Variants in EVC2 observed in about 807,000 individuals in gnomAD.
The protein encoded by EVC2 is EvC ciliary complex subunit 2, also known as limbin.
A neutral mutation model predicts 149.3 loss-of-function variants in EVC2; 148 were observed. That is an observed-to-expected ratio of 0.99 (90% CI 0.87 to 1.14). The LOEUF (loss-of-function observed/expected upper bound fraction) is 1.14. EVC2 is among the 50% of genes most tolerant of loss of function. EVC2 has a pLI of 0.00. For synonymous variants in EVC2, 776 were observed against 649.9 expected, an observed-to-expected ratio of 1.19 and a Z score of -2.95; for missense variants, 1,854 against 1,627.3, an observed-to-expected ratio of 1.14 and a Z score of -2.40.
chr4:5,640,389 G>T lies in EVC2; in HGVS notation c.1470+125C>A, dbSNP rs549687497. ...GGAAGGATGAATAGATGAATGAGTG[G>T]GTGGTTGGATGGATGATGGGTAGAC... On this transcript the variant is annotated intron_variant, in intron 10 of 21. Coordinates refer to ENST00000344408, the MANE Select transcript of EVC2 (RefSeq NM_147127.5). The surrounding 1 kb of genome is among the most constrained non-coding windows in gnomAD (Gnocchi z 4.6). The T allele has an allele frequency of 1.0e-4, 111 of 1,076,504 alleles. No individual in the cohort carries two copies. The highest frequency in any genetic ancestry group is 1.2e-4 in the Admixed American group (7 of 59,190). The allele number at this position is 1,076,504 out of a possible 1,614,324, so 66.7% of individuals were successfully genotyped here.
At chr4:5,542,384 G>A, downstream of EVC2, among the ~76,000 whole-genome samples, 1 of 152,230 alleles carries the variant, frequency 6.6e-6, no homozygotes, top group African/African-American at 2.4e-5. Context: ...GAGCCTGGGA[G>A]TTTGAGGCTG....
intron 9 of EVC2, among the ~76,000 whole-genome samples, chr4:5,648,855 C>T (rs753249844): frequency 5.3e-5 from 8 of 152,146 alleles, no homozygotes; most frequent in Non-Finnish European, 1.0e-4. Flanking sequence ...TGTCCCTCTA[C>T]GTCGATTAAA....
intron 16 of EVC2, among the ~76,000 whole-genome samples, chr4:5,597,605 AAT>A (rs1352095456): frequency 6.6e-6 from 1 of 151,352 alleles, no homozygotes; most frequent in African/African-American, 2.4e-5. Flanking sequence ...ACCCACAGCC[AAT>A]ATCACACTGA....
At position 5,603,073 on chromosome 4, in the gene EVC2, A is replaced by G. The variant is rs77069182; in HGVS notation, c.2829+12349T>C. 6.5e-3 allele frequency among the ~76,000 whole-genome samples: 987 copies of G among 152,316 alleles called. 11 individuals carry two copies. The highest frequency in any genetic ancestry group is 0.023 in the African/African-American group (937 of 41,578). On this transcript the variant is annotated intron_variant, in intron 16 of 21. Coordinates refer to ENST00000344408, the MANE Select transcript of EVC2 (RefSeq NM_147127.5). ...TGATAAAAATGAAAAGTAAAATTTA[A>G]AAATAGACAATCTAGAAAAGTGGGA...
At chr4:5,635,029 CTTTTTTTTTT>C (rs34769603) in intron 10 of EVC2, among the ~76,000 whole-genome samples, 5 of 71,442 alleles carry the variant, frequency 7.0e-5, no homozygotes, top group Non-Finnish European at 2.4e-5. Context: ...AACAAATGTG[CTTTTTTTTTT>C]TTTTTTTTTT....
intron 21 of EVC2, among the ~76,000 whole-genome samples, chr4:5,546,823 T>C (rs566841701): frequency 6.6e-6 from 1 of 152,124 alleles, no homozygotes; most frequent in African/African-American, 2.4e-5. Context: ...GCTGCTGCCA[T>C]CATGCTGGCT....
At chr4:5,665,458 G>T (rs1208380886) in intron 8 of EVC2, 57 bp downstream of exon 8, 1 of 1,612,154 alleles carries the variant, frequency 6.2e-7, no homozygotes, top group Non-Finnish European at 8.5e-7. Context: ...CAGAACTGGG[G>T]GATGAACTTC....
rs540115851 is a variant in EVC2, at chr4:5,562,574, T to C, written c.*274A>G. 2.2e-4 allele frequency: 297 copies of C among 1,344,780 alleles called. No individual in the cohort carries two copies. In the African/African-American group the frequency reaches 4.0e-3, roughly 18 times the overall value. 83.3% of individuals were successfully genotyped at this position (1,344,780 alleles called of 1,614,324 possible). A position where few individuals can be genotyped will look rare whatever the true frequency, so the allele number is the denominator to read the frequency against. On this transcript the variant is annotated 3_prime_UTR_variant, in exon 22 of 22. Coordinates refer to ENST00000344408, the MANE Select transcript of EVC2 (RefSeq NM_147127.5). The surrounding 1 kb of genome is among the most constrained non-coding windows in gnomAD (Gnocchi z 4.3). ...TCTGCAGCAGAGGATGGGGTGTGGA[T>C]TGCAGGGTGGGGGTCTCCTCCAGGG...
intron 16 of EVC2, among the ~76,000 whole-genome samples, chr4:5,597,602 G>C (rs1290737979): frequency 4.6e-5 from 7 of 151,304 alleles, no homozygotes; most frequent in Admixed American, 2.7e-4. Flanking sequence ...CAAACCCACA[G>C]CCAATATCAC....
chr4:5,549,877 T>C (rs1295513700), intron 21 of EVC2, among the ~76,000 whole-genome samples: 1 of 152,188 alleles, frequency 6.6e-6, no homozygotes, highest in African/African-American at 2.4e-5. Context: ...GGGCTGGTCT[T>C]TCCTGTGCTG....
chr4:5,704,473 G>A (rs1026464318), intron 1 of EVC2, among the ~76,000 whole-genome samples: 16 of 152,152 alleles, frequency 1.1e-4, no homozygotes, highest in South Asian at 2.1e-4. Flanking sequence ...GAGCCTCCAC[G>A]GGCCATGTCA....
At position 5,708,393 on chromosome 4, in the gene EVC2, G is replaced by A. The variant is rs1401633069; in HGVS notation, c.121C>T (p.Pro41Ser). 3 of 1,496,468 alleles carry A rather than the reference G, an allele frequency of 2.0e-6. No individual in the cohort carries two copies. Among genetic ancestry groups the A allele is most frequent in the Non-Finnish European group, 2.7e-6 (3 of 1,130,436 alleles). The allele number at this position is 1,496,468 out of a possible 1,614,324, so 92.7% of individuals were successfully genotyped here. The change falls in exon 1 of 22, where the codon CCC becomes TCC. Residue 41 changes from proline (P) to serine (S), a missense_variant. Pro to Ser is a moderately conservative substitution (Grantham distance 74). Transcript: ENST00000344408. ...TCCCGGGGTGGCTGCGCGCCGAGGG[G>A]GCGCCAGCGGGGACGTGAGCTGGCG... ...LGASSRPRWR[P>S]LGAQPPRDPQ...
Position 5,563,003 on chromosome 4 carries a change from C to A in EVC2, c.3772G>T (p.Val1258Leu), listed in dbSNP as rs368359772. 9.9e-6 allele frequency: 16 copies of A among 1,614,108 alleles called. No individual in the cohort carries two copies. In the African/African-American group the frequency reaches 1.6e-4, roughly 16 times the overall value. The stretch of plus-strand genomic sequence containing the variant: ...AATAGATCAATGGTTTCTGCCCCTA[C>A]AATGGGTACAGGGGCCAGTTCGCCA... ...PIGELAPVPIVGAETIDLLNT... is the reference protein window; with the variant it reads ...PIGELAPVPILGAETIDLLNT... Residue 1258 changes from valine to leucine, a missense_variant, in exon 22 of 22, where the codon GTA becomes TTA. Transcript: ENST00000344408.
At chr4:5,641,651 T>C (rs910654431) in intron 9 of EVC2, among the ~76,000 whole-genome samples, 21 of 152,016 alleles carry the variant, frequency 1.4e-4, no homozygotes, top group African/African-American at 5.1e-4. Flanking sequence ...GAAAGCTACA[T>C]AGAAAAAAAT....
At chr4:5,574,040 A>C (rs991967973) in intron 19 of EVC2, among the ~76,000 whole-genome samples, 2 of 152,234 alleles carry the variant, frequency 1.3e-5, no homozygotes, top group Non-Finnish European at 2.9e-5. Flanking sequence ...CATGACCCTG[A>C]TGTCACTGCA....
rs1263285603 is a variant in EVC2, at chr4:5,670,503, C to G, written c.871-4854G>C. Among the ~76,000 whole-genome samples, 1 of 151,958 alleles carries G rather than the reference C, an allele frequency of 6.6e-6. No homozygotes were observed. The highest frequency in any genetic ancestry group is 2.4e-5 in the African/African-American group (1 of 41,362). On this transcript the variant is annotated intron_variant, in intron 7 of 21. Transcript: ENST00000344408. The surrounding 1 kb of genome is among the most constrained non-coding windows in gnomAD (Gnocchi z 5.2). Reference sequence around the variant, plus strand: ...TCCCCACCATCACCATCACCACCATCACCATCGCCACCACGATTATCAACA... The same window carrying G: ...TCCCCACCATCACCATCACCACCATGACCATCGCCACCACGATTATCAACA...
At chr4:5,544,164 C>A (rs184040546) in intron 21 of EVC2, among the ~76,000 whole-genome samples, 2 of 151,950 alleles carry the variant, frequency 1.3e-5, no homozygotes, top group Non-Finnish European at 2.9e-5. Flanking sequence ...TAGGAAATCA[C>A]TGAATTTGAC....
chr4:5,639,112 T>C (rs1479969753), intron 10 of EVC2, among the ~76,000 whole-genome samples: 3 of 150,956 alleles, frequency 2.0e-5, no homozygotes, highest in Non-Finnish European at 4.4e-5. Flanking sequence ...GCTCATCCCC[T>C]GTCTGACCAC....
Position 5,681,277 on chromosome 4 carries a change from C to T in EVC2, c.853G>A (p.Ala285Thr). ...TCTCTTACCGTTACGTTTTCTTCTG[C>T]TGTTATGGAAAAAAGCACTTTCAGC... ...TQLKVLFSIT[A>T]EENVTVLPHH... The change falls in exon 7 of 22, where the codon GCA becomes ACA. Residue 285 changes from alanine (A) to threonine (T), a missense_variant. Coordinates refer to ENST00000344408, the MANE Select transcript of EVC2 (RefSeq NM_147127.5). 7 of 1,614,180 alleles carry T rather than the reference C, an allele frequency of 4.3e-6. No individual in the cohort carries two copies. Among genetic ancestry groups the T allele is most frequent in the Middle Eastern group, 1.6e-4 (1 of 6,062 alleles).
Sources: allele counts gnomAD v4.1 joint callset (sites outside exome capture counted in the v4.1 genomes callset), GRCh38; gene constraint gnomAD v4.1.1; non-coding constraint Gnocchi (gnomAD v3.1); transcripts MANE v1.5; gene names NCBI Gene and HGNC (gene_info 2026-07-23, HGNC 2026-07-21).